Variants in NRXN3 observed in about 807,000 individuals in gnomAD.
The protein encoded by NRXN3 is neurexin 3, also known as neurexin III.
A neutral mutation model predicts 137.6 loss-of-function variants in NRXN3; 32 were observed. The ratio of observed to expected loss-of-function variants is 0.23; its 90% CI spans 0.18 to 0.31. The LOEUF (loss-of-function observed/expected upper bound fraction) is 0.31. Among genes scored for constraint, NRXN3 ranks in the 10% least tolerant of loss-of-function variants. The pLI, the probability that NRXN3 is intolerant of heterozygous loss-of-function variation, is 1.00. For synonymous variants in NRXN3, 798 were observed against 784.5 expected (o/e 1.02, Z -0.29); for missense variants, 1,574 against 2,062.5 (o/e 0.76, Z 4.59).
intron 10 of NRXN3, among the ~76,000 whole-genome samples, chr14:78,926,740 T>TTGGC (rs1346205706): frequency 2.0e-4 from 13 of 63,902 alleles, no homozygotes; most frequent in African/African-American, 1.1e-3. Context: ...ATATAAAATA[T>TTGGC]ATATTATATA....
chr14:79,733,666 CTGT>C (rs1011464304), intron 19 of NRXN3, among the ~76,000 whole-genome samples: 31 of 109,786 alleles, frequency 2.8e-4, no homozygotes, highest in South Asian at 1.1e-3. Context: ...ATTTGGTTTG[CTGT>C]TGTTGTTTTT....
rs572985972 is a variant in NRXN3, at chr14:79,426,872, T to G, written c.3263-40349T>G. 2.6e-5 allele frequency among the ~76,000 whole-genome samples: 4 copies of G among 152,332 alleles called. No individual in the cohort carries two copies. The South Asian group carries it at 8.3e-4, about 32-fold the overall frequency. On this transcript the variant is annotated intron_variant, in intron 15 of 20. Coordinates refer to ENST00000335750, the MANE Select transcript of NRXN3 (RefSeq NM_001330195.2). ...ATCCTTACTCTATATTAGTGTTGTT[T>G]TTTAAACTTGTCAGTAAGAATTCTC...
chr14:78,345,442 T>A (rs1312301216), intron 4 of NRXN3, among the ~76,000 whole-genome samples: 5 of 152,194 alleles, frequency 3.3e-5, no homozygotes, highest in African/African-American at 1.2e-4. Flanking sequence ...TTGGATACAC[T>A]TTGCACTTGC....
intron 15 of NRXN3, among the ~76,000 whole-genome samples, chr14:79,302,557 C>T (rs1466055560): frequency 1.3e-5 from 2 of 151,856 alleles, no homozygotes; most frequent in Non-Finnish European, 2.9e-5. Context: ...TGATATGGTT[C>T]GACTCTGTGT....
intron 17 of NRXN3, among the ~76,000 whole-genome samples, chr14:79,668,481 G>C (rs2098582735): frequency 6.6e-6 from 1 of 152,082 alleles, no homozygotes; most frequent in African/African-American, 2.4e-5. Flanking sequence ...AGCTTAAGGA[G>C]CAGAGCCAAC....
At chr14:78,878,913 G>GT (rs918730302) in intron 10 of NRXN3, among the ~76,000 whole-genome samples, 26 of 146,142 alleles carry the variant, frequency 1.8e-4, no homozygotes, top group South Asian at 4.4e-4. Flanking sequence ...CTATGAGTTT[G>GT]TTTTTTTTTT....
chr14:79,859,069 T>C (rs2099409028), intron 20 of NRXN3, among the ~76,000 whole-genome samples: 1 of 151,074 alleles, frequency 6.6e-6, no homozygotes, highest in African/African-American at 2.4e-5. Context: ...TTTTGCTCAA[T>C]AGTTTCAAAC....
At chr14:79,294,428 T>C (rs2083694425) in intron 15 of NRXN3, among the ~76,000 whole-genome samples, 1 of 152,236 alleles carries the variant, frequency 6.6e-6, no homozygotes, top group African/African-American at 2.4e-5. Flanking sequence ...CTGTTATTTA[T>C]AGAATGCTTT....
chr14:78,879,952 G>T (rs1219936218), intron 10 of NRXN3, among the ~76,000 whole-genome samples: 2 of 151,918 alleles, frequency 1.3e-5, no homozygotes, highest in Non-Finnish European at 2.9e-5. Flanking sequence ...AATAATATAA[G>T]AATTGGGCCG....
At chr14:78,311,369 T>C (rs1483188902) in intron 4 of NRXN3, among the ~76,000 whole-genome samples, 1 of 152,200 alleles carries the variant, frequency 6.6e-6, no homozygotes, top group African/African-American at 2.4e-5. Flanking sequence ...ATGCTTTCAA[T>C]AGAGAGGGTC....
At chr14:78,525,508 C>T (rs2096364645) in intron 4 of NRXN3, among the ~76,000 whole-genome samples, 1 of 152,136 alleles carries the variant, frequency 6.6e-6, no homozygotes, top group Non-Finnish European at 1.5e-5. Context: ...CAGGGATTCT[C>T]TTACTGTAGA....
rs138553748 is a variant in NRXN3 at position 79,162,688 on chromosome 14, G to T, written c.3262+174547G>T. On this transcript the variant is annotated intron_variant, in intron 15 of 20. Transcript: ENST00000335750. ...CAGTTAGAATGGCAATCATTAAAAA[G>T]TCAGGAAACAACAGGTGCTGGAGAA... Among the ~76,000 whole-genome samples the T allele has an allele frequency of 2.8e-3, 432 of 151,994 alleles. 2 individuals are homozygous for T. Among genetic ancestry groups the T allele is most frequent in the African/African-American group, 9.6e-3 (398 of 41,510 alleles).
intron 16 of NRXN3, among the ~76,000 whole-genome samples, chr14:79,493,525 A>T (rs1433231004): frequency 6.6e-6 from 1 of 152,236 alleles, no homozygotes; most frequent in Non-Finnish European, 1.5e-5. Flanking sequence ...CTGGGTAGTT[A>T]GAAAAGAGTC....
chr14:79,262,981 A>G (rs967823657), intron 15 of NRXN3, among the ~76,000 whole-genome samples: 3 of 152,134 alleles, frequency 2.0e-5, no homozygotes, highest in African/African-American at 7.2e-5. Context: ...TTTCACACTT[A>G]AAGTATGGGT....
Position 79,064,200 on chromosome 14 carries a change from G to A in NRXN3, c.3262+76059G>A, listed in dbSNP as rs1389167567. Among the ~76,000 whole-genome samples the A allele has an allele frequency of 6.6e-5, 10 of 152,270 alleles. 1 individual carries two copies. Among genetic ancestry groups the A allele is most frequent in the Non-Finnish European group, 1.0e-4 (7 of 68,026 alleles). On this transcript the variant is annotated intron_variant, in intron 15 of 20. Coordinates refer to ENST00000335750, the MANE Select transcript of NRXN3 (RefSeq NM_001330195.2). Reference sequence around the variant, plus strand: ...AACATGGAGACAATGGCACAGCCGTGAGTAGAGCCCAGGTGTTTTTCTCCG... The same window carrying A: ...AACATGGAGACAATGGCACAGCCGTAAGTAGAGCCCAGGTGTTTTTCTCCG...
At chr14:79,433,585 G>GA (rs753277590) in intron 15 of NRXN3, among the ~76,000 whole-genome samples, 3 of 149,316 alleles carry the variant, frequency 2.0e-5, no homozygotes, top group Admixed American at 6.6e-5. Flanking sequence ...AGATGAAAAA[G>GA]AAAAAAACTC....
At chr14:79,705,868 G>A (rs2098776201) in intron 19 of NRXN3, among the ~76,000 whole-genome samples, 4 of 152,124 alleles carry the variant, frequency 2.6e-5, no homozygotes, top group Admixed American at 2.6e-4. Context: ...TCCCTATTTA[G>A]TAGATTGTGA....
chr14:78,466,956 G>A (rs1202344408), intron 4 of NRXN3, among the ~76,000 whole-genome samples: 1 of 152,098 alleles, frequency 6.6e-6, no homozygotes, highest in African/African-American at 2.4e-5. Flanking sequence ...GTTTACCTGT[G>A]TAACAAACCT....
intron 16 of NRXN3, among the ~76,000 whole-genome samples, chr14:79,593,499 C>T (rs1053134097): frequency 1.3e-5 from 2 of 151,830 alleles, no homozygotes; most frequent in African/African-American, 4.8e-5. Context: ...GGCGTGGTGG[C>T]GGGCGCCTGT....
Sources: allele counts gnomAD v4.1 joint callset (sites outside exome capture counted in the v4.1 genomes callset), GRCh38; gene constraint gnomAD v4.1.1; transcripts MANE v1.5; gene names NCBI Gene and HGNC (gene_info 2026-07-23, HGNC 2026-07-21).